SEMA3A: variants seen among roughly 807,000 people sequenced by gnomAD.
SEMA3A encodes the protein semaphorin-3A.
In SEMA3A, 29 loss-of-function variants were observed where a neutral mutation model predicts 97.9. The observed-to-expected ratio is 0.30, with a 90% CI of 0.22 to 0.40. SEMA3A has a LOEUF of 0.40. SEMA3A is among the 10% of genes least tolerant of loss of function. SEMA3A has a pLI of 1.00. For synonymous variants in SEMA3A, 321 were observed against 323.7 expected (o/e 0.99, Z 0.09); for missense variants, 763 against 951.3 (o/e 0.80, Z 2.60).
intron 12 of SEMA3A, among the ~76,000 whole-genome samples, chr7:84,001,115 A>C (rs12669207): frequency 6.7e-6 from 1 of 150,048 alleles, no homozygotes; most frequent in South Asian, 2.1e-4. Context: ...TGTTTGCTCT[A>C]TTCTTTTATC....
chr7:84,421,426 C>T (rs1804589571), intron 1 of SEMA3A, among the ~76,000 whole-genome samples: 1 of 151,952 alleles, frequency 6.6e-6, no homozygotes, highest in South Asian at 2.1e-4. Context: ...TGAAGAGATA[C>T]AAGAAAATAT....
chr7:84,002,005 T>C lies in SEMA3A; in HGVS notation c.1402A>G (p.Thr468Ala), dbSNP rs1454703538. 6.2e-7 allele frequency: 1 copy of C among 1,612,376 alleles called. No homozygotes were observed. Among genetic ancestry groups the C allele is most frequent in the Non-Finnish European group, 8.5e-7 (1 of 1,179,194 alleles). Residue 468 changes from threonine (T) to alanine (A), a missense_variant, in exon 12 of 17, where the codon ACT becomes GCT. Thr to Ala is a moderately conservative substitution (Grantham distance 58). Around this residue, in one of 2 missense-constraint regions of SEMA3A, gnomAD observed 678 missense variants for 881.3 expected, o/e 0.77. Transcript: ENST00000265362. Reference sequence around the variant, plus strand: ...AGAACCTCTTCTAAATCATACCAAGTCTCCTTAGGAATTGAAACTACTTTA... The same window carrying C: ...AGAACCTCTTCTAAATCATACCAAGCCTCCTTAGGAATTGAAACTACTTTA... ...VLKVVSIPKE[T>A]WYDLEEVLLE...
At chr7:84,169,530 T>G (rs562287766) in intron 1 of SEMA3A, among the ~76,000 whole-genome samples, 4 of 148,746 alleles carry the variant, frequency 2.7e-5, no homozygotes, top group Non-Finnish European at 4.5e-5. Flanking sequence ...CCATATAAAT[T>G]ATTATATAAT....
chr7:84,182,050 G>A lies in SEMA3A; in HGVS notation c.112+12425C>T, dbSNP rs148866719. On this transcript the variant is annotated intron_variant, in intron 1 of 16. Coordinates refer to ENST00000265362, the MANE Select transcript of SEMA3A (RefSeq NM_006080.3). ...TCAGTCTGGCTTCCAAGTGTCTTCTGTTAGACAAAAGCCCCTTTAAGTTGC... is the reference window on the plus strand; with the variant it reads ...TCAGTCTGGCTTCCAAGTGTCTTCTATTAGACAAAAGCCCCTTTAAGTTGC... 1.3e-3 allele frequency among the ~76,000 whole-genome samples: 193 copies of A among 152,134 alleles called. 1 individual carries two copies. The highest frequency in any genetic ancestry group is 4.6e-3 in the African/African-American group (191 of 41,536).
chr7:83,995,449 A>C (rs547459081), intron 12 of SEMA3A, among the ~76,000 whole-genome samples: 4 of 152,306 alleles, frequency 2.6e-5, no homozygotes, highest in African/African-American at 9.6e-5. Context: ...AGATCCTAGA[A>C]TCCATTAATT....
rs1310318006 is a variant in SEMA3A, at chr7:83,980,623, A to AAAAAAAT, written c.1652+697_1652+698insATTTTTT. Among the ~76,000 whole-genome samples, 406 of 71,628 alleles carry AAAAAAAT rather than the reference A, an allele frequency of 5.7e-3. 2 individuals carry two copies. The highest frequency in any genetic ancestry group is 8.3e-3 in the Non-Finnish European group (342 of 41,312). 47.0% of individuals were successfully genotyped at this position (71,628 alleles called of 152,430 possible). A position where few individuals can be genotyped will look rare whatever the true frequency, so the allele number is the denominator to read the frequency against. On this transcript the variant is annotated intron_variant, in intron 14 of 16. Coordinates refer to ENST00000265362, the MANE Select transcript of SEMA3A (RefSeq NM_006080.3). ...CATCTCAAAAAAAAAAAAAAAAAAAAATATATATATATATATACACACACA... is the reference window on the plus strand; with the variant it reads ...CATCTCAAAAAAAAAAAAAAAAAAAAAAAAAATATATATATATATATATACACACACA...
intron 2 of SEMA3A, among the ~76,000 whole-genome samples, chr7:84,320,480 A>G (rs1445664675): frequency 2.0e-5 from 3 of 152,166 alleles, no homozygotes; most frequent in Non-Finnish European, 4.4e-5. Flanking sequence ...TATACTTTAT[A>G]TTGCTAGCAT....
intron 3 of SEMA3A, among the ~76,000 whole-genome samples, chr7:84,247,118 A>G (rs963733955): frequency 6.6e-6 from 1 of 152,140 alleles, no homozygotes; most frequent in African/African-American, 2.4e-5. Context: ...CAAACCAAGA[A>G]GAATTATGAG....
chr7:84,424,979 A>T (rs1475344507), intron 1 of SEMA3A, among the ~76,000 whole-genome samples: 2 of 102,842 alleles, frequency 1.9e-5, no homozygotes, highest in Non-Finnish European at 3.4e-5. Context: ...TATATTTATA[A>T]TTTATAATTA....
chr7:84,129,479 T>C (rs891778909), intron 2 of SEMA3A, among the ~76,000 whole-genome samples: 2 of 152,230 alleles, frequency 1.3e-5, no homozygotes, highest in African/African-American at 4.8e-5. Flanking sequence ...AGCACACAGA[T>C]TGGGAGAGGG....
At chr7:83,976,704 G>A (rs1045011585) in intron 15 of SEMA3A, among the ~76,000 whole-genome samples, 1 of 151,654 alleles carries the variant, frequency 6.6e-6, no homozygotes, top group Non-Finnish European at 1.5e-5. Flanking sequence ...ACCCAATAAT[G>A]ATATATTAGG....
Position 84,014,241 on chromosome 7 carries a change from C to G in SEMA3A, c.778G>C (p.Ala260Pro). 4 of 1,613,438 alleles carry G rather than the reference C, an allele frequency of 2.5e-6. No individual in the cohort carries two copies. Among genetic ancestry groups the G allele is most frequent in the Non-Finnish European group, 3.4e-6 (4 of 1,179,756 alleles). Residue 260 changes from alanine to proline, a missense_variant, in exon 7 of 17, where the codon GCT (alanine) becomes CCT (proline). This residue lies in a region of SEMA3A where 678 missense variants were observed against 881.3 expected (regional missense o/e 0.77). Transcript: ENST00000265362. ...ATCTGACCTATTCTAGCGTGAGTAG[C>G]TTTTCCAGAGTGTTCTCCATCTATT... ...NAIDGEHSGKATHARIGQICK... is the reference protein window; with the variant it reads ...NAIDGEHSGKPTHARIGQICK...
rs759029192 is a variant in SEMA3A, at chr7:84,243,350, C to T, written c.-82-48682G>A. ...CTTGTTATTGGTCCATTCAGGGATT[C>T]GACTTCTTCCTGGTTTAGTCTTGGG... On this transcript the variant is annotated intron_variant, in intron 3 of 3. Transcript: ENST00000424555. Among the ~76,000 whole-genome samples, 11 of 152,252 alleles carry T rather than the reference C, an allele frequency of 7.2e-5. No individual in the cohort carries two copies. In the East Asian group the frequency reaches 9.6e-4, roughly 13 times the overall value.
At chr7:84,052,332 A>G (rs959387104) in intron 5 of SEMA3A, among the ~76,000 whole-genome samples, 3 of 152,180 alleles carry the variant, frequency 2.0e-5, no homozygotes, top group African/African-American at 4.8e-5. Flanking sequence ...CTGTGAATCC[A>G]TCTAGTCCTG....
At position 83,977,096 on chromosome 7, in the gene SEMA3A, G is replaced by C. The variant is rs777579678; in HGVS notation, c.1717+36C>G. ...TATGCATTATTATGATTTTAGCCTG[G>C]TCTTAGCAGGTTGAAAGATGAAAAA... On this transcript the variant is annotated intron_variant, in intron 15 of 16. Transcript: ENST00000265362. The C allele has an allele frequency of 1.4e-5, 18 of 1,325,976 alleles. No homozygotes were observed. In the South Asian group the frequency reaches 2.5e-4, roughly 19 times the overall value. 82.1% of individuals were successfully genotyped at this position (1,325,976 alleles called of 1,614,324 possible).
intron 12 of SEMA3A, among the ~76,000 whole-genome samples, chr7:83,988,228 T>C (rs1356000632): frequency 6.6e-6 from 1 of 151,962 alleles, no homozygotes; most frequent in Non-Finnish European, 1.5e-5. Context: ...GTTGTTGTTG[T>C]TGTTTGTTTG....
At chr7:83,990,257 A>G (rs1789844950) in intron 12 of SEMA3A, among the ~76,000 whole-genome samples, 1 of 151,938 alleles carries the variant, frequency 6.6e-6, no homozygotes. Flanking sequence ...ATTTTCTCCC[A>G]TTTTGTAGGT....
chr7:84,093,962 C>A (rs996219657), intron 4 of SEMA3A, among the ~76,000 whole-genome samples: 9 of 151,402 alleles, frequency 5.9e-5, no homozygotes, highest in Admixed American at 4.6e-4. Flanking sequence ...AGGTGGGAGG[C>A]ACCAGGAACC....
At chr7:84,254,073 T>G (rs1362427677) in intron 3 of SEMA3A, among the ~76,000 whole-genome samples, 1 of 152,214 alleles carries the variant, frequency 6.6e-6, no homozygotes, top group East Asian at 1.9e-4. Context: ...AATGTGTGAA[T>G]GAGACAAAAT....
Sources: allele counts gnomAD v4.1 joint callset (sites outside exome capture counted in the v4.1 genomes callset), GRCh38; gene constraint gnomAD v4.1.1; regional missense constraint gnomAD v4.1.1; transcripts MANE v1.5; gene names NCBI Gene and HGNC (gene_info 2026-07-23, HGNC 2026-07-21).